Variants in MYRIP observed in about 807,000 individuals in gnomAD.
MYRIP encodes rab effector MyRIP.
Under a neutral mutation model 98.0 loss-of-function variants are expected in MYRIP, and 49 were observed. That is an observed-to-expected ratio of 0.50 (90% confidence interval 0.40 to 0.63). The LOEUF (loss-of-function observed/expected upper bound fraction) is 0.63. Ranked by LOEUF, MYRIP falls within the 30% of genes least tolerant of loss-of-function variation. The pLI is 0.00. For synonymous variants in MYRIP, 404 were observed against 409.5 expected (o/e 0.99, Z 0.16); for missense variants, 1,004 against 1,058.2 (o/e 0.95, Z 0.71).
chr3:40,207,968 A>T (rs1001745067), intron 10 of MYRIP, among the ~76,000 whole-genome samples: 7 of 152,142 alleles, frequency 4.6e-5, no homozygotes, highest in African/African-American at 1.7e-4. Flanking sequence ...TGGAATTTTC[A>T]ATTGTATGCA....
chr3:39,865,621 T>A (rs114629544), intron 1 of MYRIP, among the ~76,000 whole-genome samples: 3,083 of 152,264 alleles, frequency 0.02, 43 homozygotes, highest in Non-Finnish European at 0.033. Flanking sequence ...AAAACTGCAA[T>A]GAGATACCAT....
intron 10 of MYRIP, among the ~76,000 whole-genome samples, chr3:40,191,518 A>G (rs1306090933): frequency 6.6e-6 from 1 of 152,150 alleles, no homozygotes; most frequent in African/African-American, 2.4e-5. Context: ...GATATGGTCC[A>G]AGATTTCACC....
chr3:39,999,302 A>C (rs543653511), intron 2 of MYRIP, among the ~76,000 whole-genome samples: 4 of 152,372 alleles, frequency 2.6e-5, no homozygotes, highest in East Asian at 3.9e-4. Flanking sequence ...TAATATCCAG[A>C]ATCTACAATG....
Position 40,182,240 on chromosome 3 carries a change from A to G in MYRIP, c.894A>G (p.Ser298=). The change falls in exon 9 of 17, where the codon TCA becomes TCG. Residue 298 remains serine (S), a synonymous_variant. Coordinates refer to ENST00000302541, the MANE Select transcript of MYRIP (RefSeq NM_015460.4). ...CACAGAGGTCCCAGTCTGCCTTCTC[A>G]ATCACTGGAGAAGAAGCCCTGAAGA... ...AALWRSQSAF[S]ITGEEALKTP... The G allele has an allele frequency of 6.2e-7, 1 of 1,612,266 alleles. No individual in the cohort carries two copies. The highest frequency in any genetic ancestry group is 8.5e-7 in the Non-Finnish European group (1 of 1,179,222).
chr3:39,844,518 G>A (rs983529840), intron 1 of MYRIP, among the ~76,000 whole-genome samples: 1 of 152,216 alleles, frequency 6.6e-6, no homozygotes, highest in African/African-American at 2.4e-5. Context: ...GGTGGCATAG[G>A]CATCTGAATG....
chr3:40,056,573 T>C (rs1166181785), intron 3 of MYRIP, among the ~76,000 whole-genome samples: 1 of 152,212 alleles, frequency 6.6e-6, no homozygotes, highest in African/African-American at 2.4e-5. Flanking sequence ...TAACAACCAC[T>C]ATGTGCTAGG....
chr3:39,947,407 T>C (rs1179508830), intron 2 of MYRIP, among the ~76,000 whole-genome samples: 1 of 151,944 alleles, frequency 6.6e-6, no homozygotes, highest in Non-Finnish European at 1.5e-5. Context: ...AAAAAAGGAA[T>C]ACAAATGAAT....
In MYRIP at chr3:40,132,543, A is replaced by G. The variant is rs981536277; in HGVS notation, c.333-18505A>G. Among the ~76,000 whole-genome samples the G allele has an allele frequency of 2.6e-5, 4 of 152,214 alleles. No individual in the cohort carries two copies. The East Asian group carries it at 7.7e-4, about 29-fold the overall frequency. ...AGCAAAAGTGTAAGGCCAAATTTGT[A>G]TATTTTTCTGGGCCAGGGCCCTGAG... is the stretch of plus-strand genomic sequence containing the variant. On this transcript the variant is annotated intron_variant, in intron 3 of 16. Transcript: ENST00000302541.
chr3:39,992,163 C>T (rs540111038), intron 2 of MYRIP, among the ~76,000 whole-genome samples: 1 of 152,284 alleles, frequency 6.6e-6, no homozygotes, highest in South Asian at 2.1e-4. Context: ...AGGAGTTTGT[C>T]ATTAGAACTC....
chr3:40,032,611 A>G (rs543485664), intron 2 of MYRIP, among the ~76,000 whole-genome samples: 57 of 152,094 alleles, frequency 3.7e-4, no homozygotes, highest in African/African-American at 1.3e-3. Flanking sequence ...TCCAGGACAA[A>G]ATGGATTCAC....
chr3:39,958,064 T>C (rs921168320), intron 2 of MYRIP, among the ~76,000 whole-genome samples: 2 of 152,210 alleles, frequency 1.3e-5, no homozygotes, highest in African/African-American at 4.8e-5. Context: ...TCCATGCTCA[T>C]GGATAAGAAG....
chr3:39,980,686 C>A (rs934796083), intron 2 of MYRIP, among the ~76,000 whole-genome samples: 1 of 152,162 alleles, frequency 6.6e-6, no homozygotes, highest in Non-Finnish European at 1.5e-5. Flanking sequence ...CTTTAGTTAC[C>A]TTGTCCTGGC....
intron 11 of MYRIP, among the ~76,000 whole-genome samples, chr3:40,230,357 C>T (rs1468055144): frequency 2.0e-5 from 3 of 152,234 alleles, no homozygotes; most frequent in African/African-American, 7.2e-5. Flanking sequence ...GGCTCCCTGT[C>T]AGCCACCTCT....
chr3:39,829,561 G>T (rs1941378030), intron 1 of MYRIP, among the ~76,000 whole-genome samples: 1 of 152,132 alleles, frequency 6.6e-6, no homozygotes, highest in South Asian at 2.1e-4. Flanking sequence ...TTCTGGTGAG[G>T]CTGCTGGAAG....
intron 1 of MYRIP, among the ~76,000 whole-genome samples, chr3:39,851,937 C>T (rs533938198): frequency 7.2e-5 from 11 of 152,108 alleles, no homozygotes; most frequent in African/African-American, 2.7e-4. Context: ...TGCAGTGATC[C>T]TTGGTAGAAT....
chr3:40,111,565 G>A (rs1458021289), intron 3 of MYRIP, among the ~76,000 whole-genome samples: 1 of 152,106 alleles, frequency 6.6e-6, no homozygotes, highest in Non-Finnish European at 1.5e-5. Context: ...ATGTTGATGG[G>A]ACTGATGAGT....
At chr3:40,096,134 T>C (rs184720507) in intron 3 of MYRIP, among the ~76,000 whole-genome samples, 44 of 151,998 alleles carry the variant, frequency 2.9e-4, no homozygotes, top group Middle Eastern at 3.4e-3. Flanking sequence ...TTCATAGGTT[T>C]TCTCGGGCCA....
At chr3:40,202,696 A>G (rs536881472) in intron 10 of MYRIP, among the ~76,000 whole-genome samples, 4 of 152,182 alleles carry the variant, frequency 2.6e-5, no homozygotes, top group East Asian at 1.9e-4. Flanking sequence ...GGTCACCTTC[A>G]GCTCAACCAT....
intron 2 of MYRIP, among the ~76,000 whole-genome samples, chr3:40,026,141 T>A (rs1051139749): frequency 1.3e-5 from 2 of 151,796 alleles, no homozygotes; most frequent in African/African-American, 4.8e-5. Context: ...TTTATAGACC[T>A]CCCCCCAGGA....
Sources: gnomAD v4.1 joint callset for allele counts (sites outside exome capture counted in the v4.1 genomes callset) on GRCh38, gnomAD v4.1.1 for gene constraint, MANE v1.5 for transcripts, NCBI Gene and HGNC (gene_info 2026-07-23, HGNC 2026-07-21) for gene names.